CAST: variants seen among roughly 807,000 people sequenced by gnomAD.
CAST encodes the protein MIR583 host.
CAST carries 76 observed loss-of-function variants against 119.6 expected under a neutral mutation model. That is an observed-to-expected ratio of 0.64 (90% CI 0.53 to 0.77). CAST has a LOEUF of 0.77. Among genes scored for constraint, CAST ranks in the 30% least tolerant of loss-of-function variants. The pLI is 0.00. For missense variants in CAST, 953 were observed against 946.5 expected, an observed-to-expected ratio of 1.01 and a Z score of -0.09; for synonymous variants, 319 against 331.6, an observed-to-expected ratio of 0.96 and a Z score of 0.41.
At chr5:96,356,707 C>T in the CAST span, among the ~76,000 whole-genome samples, 914 of 152,212 alleles carry the variant, frequency 6.0e-3, 14 homozygotes, top group African/African-American at 0.021. Context: ...GTTTTGGTAC[C>T]AGTACCATGC....
intron 1 of CAST, among the ~76,000 whole-genome samples, chr5:96,655,478 C>T (rs753703524): frequency 2.6e-5 from 4 of 152,126 alleles, no homozygotes; most frequent in Admixed American, 6.5e-5. Context: ...AATGGCAGTC[C>T]GCAGTCAAAT....
chr5:96,419,558 C>T, the CAST span, among the ~76,000 whole-genome samples: 2 of 150,936 alleles, frequency 1.3e-5, no homozygotes, highest in South Asian at 2.1e-4. Context: ...TCAAGATCAC[C>T]CAACTACTAA....
chr5:96,277,447 T>C, the CAST span, among the ~76,000 whole-genome samples: 1 of 152,222 alleles, frequency 6.6e-6, no homozygotes, highest in Admixed American at 6.5e-5. Flanking sequence ...TGCCTATCTT[T>C]TATATGCTTA....
chr5:96,035,186 TAA>T, the CAST span, among the ~76,000 whole-genome samples: 331 of 131,488 alleles, frequency 2.5e-3, 3 homozygotes, highest in East Asian at 7.1e-3. Flanking sequence ...AGTATATATA[TAA>T]AATAAGTATA....
the CAST span, among the ~76,000 whole-genome samples, chr5:96,514,778 C>T: frequency 6.6e-6 from 1 of 152,100 alleles, no homozygotes; most frequent in Admixed American, 6.6e-5. Context: ...CAGTGTCTCG[C>T]TCTATTGCCC....
At chr5:96,731,473 GTTTTTTT>G (rs201905440) in intron 9 of CAST, among the ~76,000 whole-genome samples, 44 of 112,780 alleles carry the variant, frequency 3.9e-4, no homozygotes, top group Non-Finnish European at 6.1e-4. Context: ...ATCCTTTAAG[GTTTTTTT>G]TTTTTTTTTT....
chr5:96,363,171 T>C, the CAST span, among the ~76,000 whole-genome samples: 8 of 149,524 alleles, frequency 5.4e-5, no homozygotes, highest in Non-Finnish European at 1.2e-4. Flanking sequence ...TTCTGAGGGC[T>C]CTGTTCTGTT....
chr5:96,488,835 C>T, the CAST span, among the ~76,000 whole-genome samples: 118 of 152,314 alleles, frequency 7.7e-4, 2 homozygotes, highest in Admixed American at 5.2e-4. Context: ...TAAAAATGCT[C>T]ATTTGGGGAG....
the CAST span, chr5:96,393,256 T>G: frequency 6.2e-7 from 1 of 1,613,530 alleles, no homozygotes; most frequent in Middle Eastern, 1.6e-4. Context: ...TTTGCAGGAG[T>G]CGCAGCATGG....
At chr5:96,711,200 T>C (rs1756069542) in intron 3 of CAST, among the ~76,000 whole-genome samples, 1 of 152,214 alleles carries the variant, frequency 6.6e-6, no homozygotes, top group East Asian at 1.9e-4. Flanking sequence ...GAAGTAGTAG[T>C]AAACCATATT....
chr5:96,169,041 G>A, the CAST span, among the ~76,000 whole-genome samples: 1 of 152,162 alleles, frequency 6.6e-6, no homozygotes. Flanking sequence ...TACAGGGCGC[G>A]GTCCCGGCTC....
the CAST span, chr5:96,410,882 G>C: frequency 1.2e-6 from 2 of 1,613,818 alleles, no homozygotes; most frequent in Non-Finnish European, 1.7e-6. Context: ...TGCTGATGGA[G>C]ATGGTGTAGA....
At chr5:96,510,015 GA>G in the CAST span, among the ~76,000 whole-genome samples, 2 of 152,088 alleles carry the variant, frequency 1.3e-5, no homozygotes, top group Non-Finnish European at 2.9e-5. Context: ...AAAAAAATAA[GA>G]AATCAAAGTC....
the CAST span, chr5:96,318,904 T>C: frequency 2.0e-5 from 3 of 152,194 alleles, no homozygotes; most frequent in African/African-American, 4.8e-5. Flanking sequence ...TTTACATATA[T>C]ATTTACTCTT....
At chr5:96,549,804 T>A (rs899817846) in intron 1 of CAST, among the ~76,000 whole-genome samples, 1 of 152,240 alleles carries the variant, frequency 6.6e-6, no homozygotes, top group African/African-American at 2.4e-5. Context: ...CACAGCAGTC[T>A]GAAATCGACC....
the CAST span, among the ~76,000 whole-genome samples, chr5:96,252,860 G>A: frequency 2.0e-5 from 3 of 152,234 alleles, no homozygotes; most frequent in East Asian, 5.8e-4. Context: ...TGAGTTTGTT[G>A]GTTCCTTCGT....
At chr5:96,701,955 T>A (rs1192221589) in intron 3 of CAST, among the ~76,000 whole-genome samples, 2 of 152,156 alleles carry the variant, frequency 1.3e-5, no homozygotes, top group Non-Finnish European at 2.9e-5. Flanking sequence ...GAAAGGTACA[T>A]CAGAGGGCCC....
chr5:96,255,529 GTTA>G, the CAST span, among the ~76,000 whole-genome samples: 1 of 150,404 alleles, frequency 6.6e-6, no homozygotes, highest in African/African-American at 2.5e-5. Context: ...CATATTTACT[GTTA>G]GGGCAGTAAT....
chr5:96,022,653 G>T, the CAST span, among the ~76,000 whole-genome samples: 2 of 152,294 alleles, frequency 1.3e-5, no homozygotes. Flanking sequence ...CTCTGTGTCA[G>T]TCAGGGTTCT....
Sources: gnomAD v4.1 joint callset for allele counts (sites outside exome capture counted in the v4.1 genomes callset) on GRCh38, gnomAD v4.1.1 for gene constraint, MANE v1.5 for transcripts, NCBI Gene and HGNC (gene_info 2026-07-23, HGNC 2026-07-21) for gene names.